UGT1A10: variants seen among roughly 807,000 people sequenced by gnomAD.
The protein encoded by UGT1A10 is UDP glucuronosyltransferase family 1 member A10.
UGT1A10 carries 49 observed loss-of-function variants against 45.8 expected under a neutral mutation model. The observed-to-expected ratio is 1.07, with a 90% CI of 0.85 to 1.36. The LOEUF is 1.36. Among genes scored for constraint, UGT1A10 ranks in the 40% most tolerant of loss-of-function variants. The probability of loss-of-function intolerance (pLI) is 0.00; values close to 1 mark genes in which losing one functional copy is unlikely to be tolerated. For synonymous variants in UGT1A10, 284 were observed against 249.7 expected (o/e 1.14, Z -1.29); for missense variants, 745 against 668.6 (o/e 1.11, Z -1.26).
chr2:233,654,570 A>C (rs1559326640), intron 1 of UGT1A10, among the ~76,000 whole-genome samples: 1 of 152,270 alleles, frequency 6.6e-6, no homozygotes, highest in East Asian at 1.9e-4. Context: ...ATATATAACA[A>C]AAATGAAAAG....
At chr2:233,651,009 G>A (rs1241119266) in intron 1 of UGT1A10, among the ~76,000 whole-genome samples, 9 of 152,172 alleles carry the variant, frequency 5.9e-5, no homozygotes, top group Admixed American at 5.9e-4. Flanking sequence ...TTTGGTAAAG[G>A]ATTGACTTTT....
chr2:233,750,237 A>G (rs766063070), intron 1 of UGT1A10, among the ~76,000 whole-genome samples: 1 of 151,900 alleles, frequency 6.6e-6, no homozygotes, highest in Non-Finnish European at 1.5e-5. Flanking sequence ...ACTTATTGGG[A>G]ACTGGAACAA....
chr2:233,689,418 G>A (rs1195966821), intron 1 of UGT1A10, among the ~76,000 whole-genome samples: 1 of 152,192 alleles, frequency 6.6e-6, no homozygotes, highest in African/African-American at 2.4e-5. Flanking sequence ...TCTCTCTAAT[G>A]GCTTGCAAGT....
At chr2:233,638,516 A>T (rs1207535053) in intron 1 of UGT1A10, among the ~76,000 whole-genome samples, 3 of 152,164 alleles carry the variant, frequency 2.0e-5, no homozygotes, top group Non-Finnish European at 4.4e-5. Context: ...CCAAAATATT[A>T]TTGAGTAATA....
In UGT1A10 at chr2:233,677,820, T is replaced by C. The variant is rs146521397; in HGVS notation, c.855+40443T>C. 7.7e-3 allele frequency among the ~76,000 whole-genome samples: 1,165 copies of C among 151,564 alleles called. 12 individuals carry two copies. Among genetic ancestry groups the C allele is most frequent in the Admixed American group, 7.8e-3 (119 of 15,240 alleles). On this transcript the variant is annotated intron_variant, in intron 1 of 4. Coordinates refer to ENST00000344644, the MANE Select transcript of UGT1A10 (RefSeq NM_019075.4). ...ACTGTCATTCGACCCAGCAATCCCATTACTAGATATATGTAAAAAAAATCG... is the reference window on the plus strand; with the variant it reads ...ACTGTCATTCGACCCAGCAATCCCACTACTAGATATATGTAAAAAAAATCG...
chr2:233,658,528 T>A (rs2125485256), intron 1 of UGT1A10, among the ~76,000 whole-genome samples: 1 of 152,308 alleles, frequency 6.6e-6, no homozygotes, highest in Non-Finnish European at 1.5e-5. Context: ...GTGTGACAGT[T>A]TTTCAGACTT....
chr2:233,772,619 A>G lies in UGT1A10; in HGVS notation c.*60A>G. ...ATTCCCTAGTCATTTCCAAACTTGAAAACAGAATCAGTGTTAAATTCATTT... is the reference window on the plus strand; with the variant it reads ...ATTCCCTAGTCATTTCCAAACTTGAGAACAGAATCAGTGTTAAATTCATTT... On this transcript the variant is annotated 3_prime_UTR_variant, in exon 5 of 5. Coordinates refer to ENST00000344644, the MANE Select transcript of UGT1A10 (RefSeq NM_019075.4). The G allele has an allele frequency of 1.3e-6, 2 of 1,569,672 alleles. No homozygotes were observed. The highest frequency in any genetic ancestry group is 1.7e-6 in the Non-Finnish European group (2 of 1,156,572).
intron 1 of UGT1A10, 118 bp downstream of exon 1, chr2:233,637,495 T>G (rs2073328984): frequency 6.7e-7 from 1 of 1,491,506 alleles, no homozygotes; most frequent in Admixed American, 2.3e-5. Context: ...TTCTTTCCAG[T>G]TTAACAAATT....
chr2:233,738,561 A>C lies in UGT1A10; in HGVS notation c.856-28473A>C, dbSNP rs200356617. 8.5e-5 allele frequency among the ~76,000 whole-genome samples: 13 copies of C among 152,332 alleles called. No homozygotes were observed. In the East Asian group the frequency reaches 2.5e-3, roughly 29 times the overall value. ...GCTGAGTCTCAGATAGAGATGAGGA[A>C]TCTGTTGAGAACTGGAGCAAAGGTC... On this transcript the variant is annotated intron_variant, in intron 1 of 4. Transcript: ENST00000344644.
intron 1 of UGT1A10, among the ~76,000 whole-genome samples, chr2:233,762,481 T>C (rs948381917): frequency 6.6e-6 from 1 of 152,238 alleles, no homozygotes; most frequent in African/African-American, 2.4e-5. Context: ...ATCACTCCAG[T>C]TTTAAATGCT....
rs1700239746 is a variant in UGT1A10, at chr2:233,771,113, A to C, written c.1296-1149A>C. The C allele has an allele frequency of 2.0e-5, 3 of 152,176 alleles. No homozygotes were observed. The South Asian group carries it at 6.2e-4, about 32-fold the overall frequency. The allele number at this position is 152,176 out of a possible 1,614,324, so 9.4% of individuals were successfully genotyped here. A position where few individuals can be genotyped will look rare whatever the true frequency, so the allele number is the denominator to read the frequency against. ...TATCAGGAAGACAGCACTAAAGCAC[A>C]AGGGATCCGACCCCATGATCCAAAC... is the stretch of plus-strand genomic sequence containing the variant. On this transcript the variant is annotated intron_variant, in intron 4 of 4. Transcript: ENST00000344644.
rs1162609742 is a variant in UGT1A10 at position 233,768,299 on chromosome 2, G to A, written c.1155G>A (p.Met385Ile). ...AAAGCATATGCAATGGCGTTCCCAT[G>A]GTGATGATGCCCTTGTTTGGTGATC... ...VYESICNGVP[M>I]VMMPLFGDQM... Residue 385 changes from methionine to isoleucine, a missense_variant, in exon 4 of 5, where the codon ATG becomes ATA. Coordinates refer to ENST00000344644, the MANE Select transcript of UGT1A10 (RefSeq NM_019075.4). The A allele has an allele frequency of 2.5e-6, 4 of 1,614,176 alleles. No individual in the cohort carries two copies. The highest frequency in any genetic ancestry group is 2.7e-5 in the African/African-American group (2 of 75,038).
At chr2:233,677,390 G>A (rs28970015) in intron 1 of UGT1A10, among the ~76,000 whole-genome samples, 6 of 152,090 alleles carry the variant, frequency 3.9e-5, no homozygotes, top group South Asian at 4.1e-4. Flanking sequence ...TAGAAAATCC[G>A]CATAGAACTT....
chr2:233,713,507 C>T (rs113654637), intron 1 of UGT1A10: 65 of 1,613,816 alleles, frequency 4.0e-5, no homozygotes, highest in Admixed American at 2.7e-4. Context: ...CTGTGTTTTT[C>T]TTGAGGAACA....
rs1191731023 is a variant in UGT1A10, at chr2:233,773,247, T to C, written c.*688T>C. ...ATGAAGTGCTGGGCAAGTTTACTTTTTTTCTGATGTTTCCTACAACTAAAA... is the reference window on the plus strand; with the variant it reads ...ATGAAGTGCTGGGCAAGTTTACTTTCTTTCTGATGTTTCCTACAACTAAAA... On this transcript the variant is annotated 3_prime_UTR_variant, in exon 5 of 5. Coordinates refer to ENST00000344644, the MANE Select transcript of UGT1A10 (RefSeq NM_019075.4). The C allele has an allele frequency of 6.6e-6, 1 of 152,354 alleles. No homozygotes were observed. Among genetic ancestry groups the C allele is most frequent in the Admixed American group, 6.5e-5 (1 of 15,284 alleles). 9.4% of individuals were successfully genotyped at this position (152,354 alleles called of 1,614,324 possible).
chr2:233,713,265 C>A (rs770209123), intron 1 of UGT1A10: 2 of 1,614,232 alleles, frequency 1.2e-6, no homozygotes, highest in East Asian at 2.2e-5. Flanking sequence ...ATTTGATCGC[C>A]TTTTGCTGGG....
chr2:233,636,918 A>G lies in UGT1A10; in HGVS notation c.396A>G (p.Lys132=). 1.2e-6 allele frequency: 2 copies of G among 1,614,156 alleles called. No individual in the cohort carries two copies. Among genetic ancestry groups the G allele is most frequent in the Admixed American group, 3.3e-5 (2 of 60,014 alleles). ...GCAGGAGTTTGTTTAATGACCGAAA[A>G]TTAGTAGAATACTTAAAGGAGAGTT... ...SHCRSLFNDR[K]LVEYLKESSF... Residue 132 remains lysine, a synonymous_variant, in exon 1 of 5, where the codon AAA becomes AAG. Transcript: ENST00000344644.
At chr2:233,752,965 A>C (rs1252890509) in intron 1 of UGT1A10, among the ~76,000 whole-genome samples, 1 of 152,202 alleles carries the variant, frequency 6.6e-6, no homozygotes, top group East Asian at 1.9e-4. Flanking sequence ...GATTTATGTA[A>C]CCAATTGTGT....
At chr2:233,694,151 C>G (rs2075202420) in intron 1 of UGT1A10, among the ~76,000 whole-genome samples, 1 of 152,102 alleles carries the variant, frequency 6.6e-6, no homozygotes. Context: ...TAGAAATGTC[C>G]CAGTTCAAAC....
Sources: gnomAD v4.1 joint callset for allele counts (sites outside exome capture counted in the v4.1 genomes callset) on GRCh38, gnomAD v4.1.1 for gene constraint, MANE v1.5 for transcripts, NCBI Gene and HGNC (gene_info 2026-07-23, HGNC 2026-07-21) for gene names.